Variants in DMD observed in about 807,000 individuals in gnomAD.
DMD encodes dystrophin.
In DMD, 63 loss-of-function variants were observed where a neutral mutation model predicts 330.1. That is an observed-to-expected ratio of 0.19 (90% CI 0.16 to 0.24). DMD has a LOEUF of 0.24. Ranked by LOEUF, DMD falls within the 10% of genes least tolerant of loss-of-function variation. DMD has a pLI of 1.00. For synonymous variants in DMD, 1,223 were observed against 959.8 expected (o/e 1.27, Z -5.07); for missense variants, 3,344 against 2,684.1 (o/e 1.25, Z -5.43).
At chrX:31,731,420 A>G (rs2086496651) in intron 51 of DMD, among the ~76,000 whole-genome samples, 1 of 111,702 alleles carries the variant, frequency 9.0e-6, no homozygotes, top group Non-Finnish European at 1.9e-5. Context: ...GGGAAGCTGA[A>G]AGGTTGCTTT....
intron 50 of DMD, among the ~76,000 whole-genome samples, chrX:31,812,430 G>A (rs1377804731): frequency 1.5e-5 from 1 of 68,963 alleles, no homozygotes; most frequent in Admixed American, 1.9e-4. Context: ...GGTGGGGGGA[G>A]GGGGGAGGGA....
intron 2 of DMD, among the ~76,000 whole-genome samples, chrX:32,998,683 C>A (rs192335882): frequency 9.1e-6 from 1 of 110,446 alleles, no homozygotes; most frequent in African/African-American, 3.3e-5. Context: ...CATATATATT[C>A]TAATTGTTTT....
intron 50 of DMD, among the ~76,000 whole-genome samples, chrX:31,800,887 T>C (rs910987947): frequency 3.6e-5 from 4 of 111,539 alleles, no homozygotes; most frequent in Non-Finnish European, 7.5e-5. Flanking sequence ...CAGCCTGGAC[T>C]TCATCGTCCA....
At chrX:31,567,363 C>A (rs754053590) in intron 55 of DMD, among the ~76,000 whole-genome samples, 2 of 110,862 alleles carry the variant, frequency 1.8e-5, no homozygotes, top group South Asian at 7.6e-4. Context: ...TCTGTAGATA[C>A]CCTTTATTAA....
intron 44 of DMD, among the ~76,000 whole-genome samples, chrX:32,033,342 G>A (rs1396543215): frequency 9.1e-6 from 1 of 110,366 alleles, no homozygotes; most frequent in African/African-American, 3.3e-5. Flanking sequence ...ATAATGTATT[G>A]TGCATGTAGT....
At chrX:31,139,141 G>A (rs1052532383) in intron 76 of DMD, among the ~76,000 whole-genome samples, 1 of 111,503 alleles carries the variant, frequency 9.0e-6, no homozygotes, top group Non-Finnish European at 1.9e-5. Context: ...ACTCCAAGGT[G>A]ATTTCCACAA....
chrX:31,490,252 G>C (rs1350463326), intron 57 of DMD, among the ~76,000 whole-genome samples: 1 of 112,393 alleles, frequency 8.9e-6, no homozygotes, highest in African/African-American at 3.2e-5. Context: ...TAAGAGGCCA[G>C]GTCATTGAAT....
intron 1 of DMD, among the ~76,000 whole-genome samples, chrX:33,247,218 C>T (rs768300446): frequency 9.0e-6 from 1 of 111,491 alleles, no homozygotes; most frequent in South Asian, 3.8e-4. Context: ...GTAAGACAGC[C>T]AGGGGTTGAT....
intron 18 of DMD, among the ~76,000 whole-genome samples, chrX:32,511,116 T>G (rs1446331345): frequency 4.5e-5 from 5 of 110,633 alleles, no homozygotes; most frequent in Non-Finnish European, 9.5e-5. Flanking sequence ...TCATCTTCAA[T>G]GAAATTTGGA....
intron 74 of DMD, among the ~76,000 whole-genome samples, chrX:31,159,511 C>T (rs895146901): frequency 3.6e-5 from 4 of 111,396 alleles, no homozygotes; most frequent in African/African-American, 1.3e-4. Context: ...ATATGTAATA[C>T]CAACAGGAAA....
intron 47 of DMD, among the ~76,000 whole-genome samples, chrX:31,902,279 C>T (rs1042001802): frequency 1.2e-4 from 13 of 111,391 alleles, no homozygotes; most frequent in Admixed American, 1.1e-3. Context: ...CCATAACTCC[C>T]GCTCTCCAAA....
chrX:32,885,350 T>C (rs1438020271), intron 2 of DMD, among the ~76,000 whole-genome samples: 2 of 111,559 alleles, frequency 1.8e-5, no homozygotes, highest in Non-Finnish European at 3.8e-5. Context: ...CTAAAGAGAA[T>C]GAAAGGTAAG....
intron 50 of DMD, among the ~76,000 whole-genome samples, chrX:31,801,592 A>C (rs74821017): frequency 0.081 from 3,465 of 43,002 alleles, 117 homozygotes; most frequent in African/African-American, 0.19. Context: ...CCCCCCCCCC[A>C]ACACACACAC....
At chrX:32,246,399 A>G (rs1347345373) in intron 43 of DMD, among the ~76,000 whole-genome samples, 1 of 90,893 alleles carries the variant, frequency 1.1e-5, no homozygotes, top group Non-Finnish European at 2.2e-5. Context: ...ATCAATGTTC[A>G]TCAAGGATAT....
chrX:33,191,954 C>T (rs972985379), intron 1 of DMD, among the ~76,000 whole-genome samples: 6 of 111,980 alleles, frequency 5.4e-5, no homozygotes, highest in Admixed American at 4.7e-4. Context: ...TATGTAACAG[C>T]AGTCACTGTG....
At chrX:32,172,225 A>G (rs1030685803) in intron 44 of DMD, among the ~76,000 whole-genome samples, 2 of 111,887 alleles carry the variant, frequency 1.8e-5, no homozygotes, top group African/African-American at 6.5e-5. Context: ...TCTAAACTTA[A>G]TAATCCTTTA....
At chrX:32,314,011 T>C (rs918671981) in intron 41 of DMD, among the ~76,000 whole-genome samples, 2 of 111,773 alleles carry the variant, frequency 1.8e-5, no homozygotes. Flanking sequence ...CCCATCAAGC[T>C]ACCATTGACT....
At chrX:32,721,620 T>G (rs1271345486) in intron 7 of DMD, among the ~76,000 whole-genome samples, 3 of 111,240 alleles carry the variant, frequency 2.7e-5, no homozygotes, top group African/African-American at 6.5e-5. Flanking sequence ...ATCAGATATA[T>G]GTTTTGCAAA....
At chrX:31,824,995 G>A (rs1233857024) in intron 49 of DMD, among the ~76,000 whole-genome samples, 2 of 111,406 alleles carry the variant, frequency 1.8e-5, no homozygotes, top group African/African-American at 3.3e-5. Flanking sequence ...GAACCCAAAA[G>A]CAAACAAAAA....
Sources: allele counts gnomAD v4.1 joint callset (sites outside exome capture counted in the v4.1 genomes callset), GRCh38; gene constraint gnomAD v4.1.1; transcripts MANE v1.5; gene names NCBI Gene and HGNC (gene_info 2026-07-23, HGNC 2026-07-21).